Variants in CFAP300 observed in about 807,000 individuals in gnomAD.
The protein encoded by CFAP300 is cilia- and flagella-associated protein 300.
A neutral mutation model predicts 33.0 loss-of-function variants in CFAP300; 32 were observed. The observed-to-expected ratio is 0.97, with a 90% CI of 0.73 to 1.30. CFAP300 has a LOEUF of 1.30. CFAP300 is among the 50% of genes most tolerant of loss of function. CFAP300 has a pLI of 0.00. For synonymous variants in CFAP300, 102 were observed against 106.8 expected (o/e 0.95, Z 0.28); for missense variants, 356 against 318.1 (o/e 1.12, Z -0.90).
At chr11:102,081,653 G>A (rs1942474446) in intron 6 of CFAP300, among the ~76,000 whole-genome samples, 1 of 152,048 alleles carries the variant, frequency 6.6e-6, no homozygotes, top group Admixed American at 6.6e-5. Flanking sequence ...CCCATTTTAG[G>A]GGGCCGAGGC....
Position 102,047,866 on chromosome 11 carries a change from T to C in CFAP300, c.162T>C (p.Phe54=). 3 of 1,614,182 alleles carry C rather than the reference T, an allele frequency of 1.9e-6. No homozygotes were observed. Among genetic ancestry groups the C allele is most frequent in the Non-Finnish European group, 1.7e-6 (2 of 1,180,016 alleles). The change falls in exon 2 of 7, where the codon TTT becomes TTC. Residue 54 remains phenylalanine (F), a synonymous_variant. Coordinates refer to ENST00000434758, the MANE Select transcript of CFAP300 (RefSeq NM_032930.3). ...AGGCGTTCGGCTTTGACCAGACCTT[T>C]CAGTCCTATCGGAAGGATGATTTCG... The part of the protein sequence containing the change: ...KAQAFGFDQT[F]QSYRKDDFVM...
intron 2 of CFAP300, among the ~76,000 whole-genome samples, chr11:102,057,610 C>G (rs1005287974): frequency 6.6e-6 from 1 of 152,184 alleles, no homozygotes; most frequent in Non-Finnish European, 1.5e-5. Flanking sequence ...TTGGGAGTAA[C>G]TTTTGGGAAG....
chr11:102,058,997 A>G lies in CFAP300; in HGVS notation c.268+42A>G, dbSNP rs948328411. ...TCTTTTCAGATACTATTTTACTATT[A>G]TAAGAAAATTTTGCCTCAGGAATTT... On this transcript the variant is annotated intron_variant, in intron 3 of 6. Transcript: ENST00000434758. 9 of 1,253,936 alleles carry G rather than the reference A, an allele frequency of 7.2e-6. No individual in the cohort carries two copies. The African/African-American group carries it at 7.7e-5, about 11-fold the overall frequency. The allele number at this position is 1,253,936 out of a possible 1,614,324, so 77.7% of individuals were successfully genotyped here.
At position 102,083,694 on chromosome 11, in the gene CFAP300, T is replaced by C. The variant is rs1443541309; in HGVS notation, c.*495T>C. ...AAAGCATAACAATTCTTTTGCTTCA[T>C]TTGTTCCACTTATAAGCCTCAGTAA... On this transcript the variant is annotated 3_prime_UTR_variant, in exon 7 of 7. Coordinates refer to ENST00000434758, the MANE Select transcript of CFAP300 (RefSeq NM_032930.3). 1 of 152,246 alleles carries C rather than the reference T, an allele frequency of 6.6e-6. No homozygotes were observed. The highest frequency in any genetic ancestry group is 1.5e-5 in the Non-Finnish European group (1 of 68,056). The allele number at this position is 152,246 out of a possible 1,614,324, so 9.4% of individuals were successfully genotyped here. A position where few individuals can be genotyped will look rare whatever the true frequency, so the allele number is the denominator to read the frequency against.
At chr11:102,054,963 G>A (rs1199578249) in intron 2 of CFAP300, among the ~76,000 whole-genome samples, 4 of 150,038 alleles carry the variant, frequency 2.7e-5, no homozygotes, top group African/African-American at 9.8e-5. Context: ...CACCACTTCT[G>A]AAGCAAGTAG....
At chr11:102,073,684 G>C (rs929628883) in intron 4 of CFAP300, among the ~76,000 whole-genome samples, 1 of 152,056 alleles carries the variant, frequency 6.6e-6, no homozygotes, top group African/African-American at 2.4e-5. Context: ...GCCACTGGCA[G>C]GCGGCTCTTG....
At chr11:102,065,208 G>A (rs1414747207) in intron 3 of CFAP300, among the ~76,000 whole-genome samples, 3 of 152,078 alleles carry the variant, frequency 2.0e-5, no homozygotes, top group Admixed American at 6.5e-5. Flanking sequence ...CCAGCCTCCC[G>A]AATAGCTGGG....
chr11:102,056,623 T>TTTTG (rs749368370), intron 2 of CFAP300, among the ~76,000 whole-genome samples: 44 of 152,210 alleles, frequency 2.9e-4, no homozygotes, highest in African/African-American at 8.4e-4. Context: ...TTTTTGGGTT[T>TTTTG]TTTGTTTGTT....
chr11:102,051,774 C>T (rs1194402095), intron 2 of CFAP300, among the ~76,000 whole-genome samples: 1 of 152,134 alleles, frequency 6.6e-6, no homozygotes, highest in Non-Finnish European at 1.5e-5. Context: ...GTCTCAAACT[C>T]CCAGGCTCAA....
chr11:102,063,431 A>G (rs536130820), intron 3 of CFAP300, among the ~76,000 whole-genome samples: 89 of 152,326 alleles, frequency 5.8e-4, no homozygotes, highest in African/African-American at 2.0e-3. Flanking sequence ...ACAGCTGGAG[A>G]GGAATTTTGC....
chr11:102,053,643 G>T, intron 2 of CFAP300, among the ~76,000 whole-genome samples: 1 of 152,230 alleles, frequency 6.6e-6, no homozygotes, highest in East Asian at 1.9e-4. Context: ...TCTTTGGGAA[G>T]CTAAGGCAAG....
At chr11:102,069,717 C>T (rs1347217542) in intron 4 of CFAP300, among the ~76,000 whole-genome samples, 2 of 152,018 alleles carry the variant, frequency 1.3e-5, no homozygotes, top group Admixed American at 6.6e-5. Flanking sequence ...GCAGGAGAAT[C>T]GCTTGAACCC....
At chr11:102,055,361 C>CTTTTTTTTTTTTTTTTTTTTTTTTTTT (rs561779599) in intron 2 of CFAP300, among the ~76,000 whole-genome samples, 1 of 113,518 alleles carries the variant, frequency 8.8e-6, no homozygotes, top group African/African-American at 3.7e-5. Flanking sequence ...ATGCGTTACT[C>CTTTTTTTTTTTTTTTTTTTTTTTTTTT]TTTTTTTTTT....
In CFAP300 at chr11:102,069,246, T is replaced by G. The variant is rs376442165; in HGVS notation, c.435+2595T>G. Among the ~76,000 whole-genome samples the G allele has an allele frequency of 3.5e-4, 53 of 152,332 alleles. No homozygotes were observed. The South Asian group carries it at 0.011, about 32-fold the overall frequency. On this transcript the variant is annotated intron_variant, in intron 4 of 6. Coordinates refer to ENST00000434758, the MANE Select transcript of CFAP300 (RefSeq NM_032930.3). ...AAAGGCTTTTAACTTGGTTGCTTTCTGGCTGATAAAAAATAAAACTAACAT... is the reference window on the plus strand; with the variant it reads ...AAAGGCTTTTAACTTGGTTGCTTTCGGGCTGATAAAAAATAAAACTAACAT...
At chr11:102,056,071 C>T (rs947914673) in intron 2 of CFAP300, among the ~76,000 whole-genome samples, 6 of 152,092 alleles carry the variant, frequency 3.9e-5, no homozygotes, top group Admixed American at 1.3e-4. Context: ...TATGTTAGGC[C>T]CTGTTCTAAG....
intron 5 of CFAP300, among the ~76,000 whole-genome samples, chr11:102,080,284 A>G (rs973673666): frequency 6.6e-6 from 1 of 152,188 alleles, no homozygotes; most frequent in African/African-American, 2.4e-5. Context: ...TTCTCACTAC[A>G]TATTGCCATA....
intron 2 of CFAP300, among the ~76,000 whole-genome samples, chr11:102,050,498 A>G (rs965611450): frequency 2.0e-5 from 3 of 152,212 alleles, no homozygotes; most frequent in African/African-American, 7.2e-5. Context: ...TGAGATGATA[A>G]ATGGATGGAA....
intron 2 of CFAP300, among the ~76,000 whole-genome samples, chr11:102,048,791 C>T (rs919902298): frequency 1.3e-5 from 2 of 151,072 alleles, no homozygotes; most frequent in East Asian, 2.0e-4. Flanking sequence ...AAAATTTAGT[C>T]CATTATTTTC....
chr11:102,068,217 G>GA (rs1942257359), intron 4 of CFAP300, among the ~76,000 whole-genome samples: 1 of 152,174 alleles, frequency 6.6e-6, no homozygotes, highest in African/African-American at 2.4e-5. Context: ...AATTAAGAGA[G>GA]AAGGGAGACG....
Sources: gnomAD v4.1 joint callset for allele counts (sites outside exome capture counted in the v4.1 genomes callset) on GRCh38, gnomAD v4.1.1 for gene constraint, MANE v1.5 for transcripts, NCBI Gene and HGNC (gene_info 2026-07-23, HGNC 2026-07-21) for gene names.